ZNF385D: variants seen among roughly 807,000 people sequenced by gnomAD.
ZNF385D encodes zinc finger protein 659.
Under a neutral mutation model 35.8 loss-of-function variants are expected in ZNF385D, and 15 were observed. The observed-to-expected ratio is 0.42, with a 90% CI of 0.28 to 0.64. The LOEUF (loss-of-function observed/expected upper bound fraction) is 0.64. Among genes scored for constraint, ZNF385D ranks in the 30% least tolerant of loss-of-function variants. The pLI is 0.23. For synonymous variants in ZNF385D, 212 were observed against 186.8 expected, an observed-to-expected ratio of 1.13 and a Z score of -1.10; for missense variants, 474 against 494.6, an observed-to-expected ratio of 0.96 and a Z score of 0.39.
chr3:21,453,415 A>G (rs1702590718), intron 4 of ZNF385D, among the ~76,000 whole-genome samples: 1 of 152,022 alleles, frequency 6.6e-6, no homozygotes, highest in Non-Finnish European at 1.5e-5. Context: ...AAACACTACC[A>G]AAAAGTGAGA....
intron 2 of ZNF385D, among the ~76,000 whole-genome samples, chr3:22,171,059 G>C (rs897220522): frequency 6.6e-5 from 10 of 152,104 alleles, no homozygotes; most frequent in African/African-American, 1.9e-4. Flanking sequence ...GAGTTGGCTT[G>C]GTTTCCTTTA....
At chr3:21,423,737 C>T (rs1318392884) in intron 7 of ZNF385D, among the ~76,000 whole-genome samples, 1 of 152,134 alleles carries the variant, frequency 6.6e-6, no homozygotes, top group Admixed American at 6.6e-5. Context: ...GACCTTCCTT[C>T]CAAAAGTACT....
At chr3:21,741,003 C>T (rs2069487058) in intron 1 of ZNF385D, among the ~76,000 whole-genome samples, 1 of 152,106 alleles carries the variant, frequency 6.6e-6, no homozygotes. Flanking sequence ...CTGATGTTCC[C>T]CTTAAGGCTG....
At chr3:21,645,057 G>C (rs1407241002) in intron 2 of ZNF385D, among the ~76,000 whole-genome samples, 5 of 152,192 alleles carry the variant, frequency 3.3e-5, no homozygotes, top group Non-Finnish European at 7.3e-5. Context: ...TGTGCAATGA[G>C]AGCCAAATGA....
intron 3 of ZNF385D, among the ~76,000 whole-genome samples, chr3:21,945,048 A>G (rs1471934944): frequency 6.6e-6 from 1 of 152,040 alleles, no homozygotes; most frequent in African/African-American, 2.4e-5. Context: ...AATATACATC[A>G]TAATATTTGT....
At chr3:21,852,812 G>A (rs1696465312) in intron 3 of ZNF385D, among the ~76,000 whole-genome samples, 1 of 151,852 alleles carries the variant, frequency 6.6e-6, no homozygotes, top group East Asian at 1.9e-4. Flanking sequence ...GACGGATTAG[G>A]ATATTGAAAA....
chr3:21,721,195 G>C (rs558705342), intron 1 of ZNF385D, among the ~76,000 whole-genome samples: 1 of 152,176 alleles, frequency 6.6e-6, no homozygotes, highest in South Asian at 2.1e-4. Context: ...TCCCCTAAAA[G>C]GTCTCAGCCA....
At chr3:22,100,498 G>A (rs1411842739) in intron 3 of ZNF385D, among the ~76,000 whole-genome samples, 1 of 152,012 alleles carries the variant, frequency 6.6e-6, no homozygotes, top group Non-Finnish European at 1.5e-5. Context: ...GATATACTAT[G>A]CAGCCATAAA....
At chr3:21,785,025 G>T in intron 3 of ZNF385D, among the ~76,000 whole-genome samples, 1 of 152,000 alleles carries the variant, frequency 6.6e-6, no homozygotes, top group Non-Finnish European at 1.5e-5. Context: ...TCCTAGTTTA[G>T]CTCTAACATA....
intron 3 of ZNF385D, 119 bp downstream of exon 3, chr3:21,564,455 T>G (rs577689389): frequency 1.9e-6 from 1 of 534,684 alleles, no homozygotes; most frequent in Non-Finnish European, 3.1e-6. Context: ...AAATGTTATC[T>G]TTGAATTTTG....
intron 2 of ZNF385D, among the ~76,000 whole-genome samples, chr3:21,659,142 T>G (rs976955670): frequency 6.6e-6 from 1 of 152,102 alleles, no homozygotes; most frequent in Non-Finnish European, 1.5e-5. Flanking sequence ...TGTCTACTAT[T>G]GTCAGACACA....
intron 3 of ZNF385D, among the ~76,000 whole-genome samples, chr3:22,049,760 T>C (rs1699232012): frequency 6.6e-6 from 1 of 152,218 alleles, no homozygotes; most frequent in African/African-American, 2.4e-5. Flanking sequence ...TGAAATGATA[T>C]ATTTTTTGTT....
At chr3:21,653,685 G>T (rs1322910772) in intron 2 of ZNF385D, among the ~76,000 whole-genome samples, 3 of 151,708 alleles carry the variant, frequency 2.0e-5, no homozygotes, top group Non-Finnish European at 4.4e-5. Context: ...CACCTCATAG[G>T]TAGCATAACT....
At position 21,418,230 on chromosome 3, in the gene ZNF385D, A is replaced by T. The variant is rs907194840; in HGVS notation, c.*2984T>A. On this transcript the variant is annotated 3_prime_UTR_variant, in exon 8 of 8. Coordinates refer to ENST00000281523, the MANE Select transcript of ZNF385D (RefSeq NM_024697.3). ...TGCATGGGAAGGAATGTAAAACCAT[A>T]AAGTCAGACCACCCTCAGGGATTTT... 6.6e-6 allele frequency: 1 copy of T among 152,160 alleles called. No homozygotes were observed. The highest frequency in any genetic ancestry group is 2.4e-5 in the African/African-American group (1 of 41,446). The allele number at this position is 152,160 out of a possible 1,614,324, so 9.4% of individuals were successfully genotyped here.
chr3:22,123,722 G>C (rs1156342468), intron 3 of ZNF385D, among the ~76,000 whole-genome samples: 1 of 152,040 alleles, frequency 6.6e-6, no homozygotes, highest in Non-Finnish European at 1.5e-5. Flanking sequence ...TTAGCTGGGT[G>C]TGGTGGTGGG....
intron 2 of ZNF385D, among the ~76,000 whole-genome samples, chr3:22,237,490 T>A (rs916329793): frequency 1.3e-5 from 2 of 152,180 alleles, no homozygotes; most frequent in Non-Finnish European, 2.9e-5. Flanking sequence ...AATGCACAGA[T>A]GTTTTAATTT....
chr3:21,969,166 T>C (rs183238653), intron 3 of ZNF385D, among the ~76,000 whole-genome samples: 212 of 152,258 alleles, frequency 1.4e-3, no homozygotes, highest in African/African-American at 4.9e-3. Context: ...AAGAACTTTT[T>C]TGTGTGACTT....
chr3:22,047,288 C>T (rs925828171), intron 3 of ZNF385D, among the ~76,000 whole-genome samples: 3 of 151,962 alleles, frequency 2.0e-5, no homozygotes, highest in Admixed American at 2.0e-4. Flanking sequence ...ACAATCTACT[C>T]TCAGCAATTT....
intron 2 of ZNF385D, among the ~76,000 whole-genome samples, chr3:22,327,252 G>T (rs928679243): frequency 1.3e-5 from 2 of 152,022 alleles, no homozygotes; most frequent in African/African-American, 4.8e-5. Flanking sequence ...TTACAAGTTG[G>T]ATTCTGTAAA....
Sources: allele counts gnomAD v4.1 joint callset (sites outside exome capture counted in the v4.1 genomes callset), GRCh38; gene constraint gnomAD v4.1.1; transcripts MANE v1.5; gene names NCBI Gene and HGNC (gene_info 2026-07-23, HGNC 2026-07-21).